CDH20: variants seen among roughly 807,000 people sequenced by gnomAD.
The protein encoded by CDH20 is cadherin-20.
Under a neutral mutation model 74.2 loss-of-function variants are expected in CDH20, and 29 were observed. The ratio of observed to expected loss-of-function variants is 0.39; its 90% CI spans 0.29 to 0.53. The LOEUF is 0.53. Among genes scored for constraint, CDH20 ranks in the 20% least tolerant of loss-of-function variants. The probability of loss-of-function intolerance (pLI) is 0.69; values close to 1 mark genes in which losing one functional copy is unlikely to be tolerated. For missense variants in CDH20, 988 were observed against 1,048.3 expected (o/e 0.94, Z 0.79); for synonymous variants, 469 against 405.4 (o/e 1.16, Z -1.88).
intron 1 of CDH20, among the ~76,000 whole-genome samples, chr18:61,444,724 C>T (rs1404387969): frequency 6.6e-6 from 1 of 152,162 alleles, no homozygotes; most frequent in African/African-American, 2.4e-5. Flanking sequence ...TTGAATGAGG[C>T]AGAGCTTTAA....
rs79951650 is a variant in CDH20, at chr18:61,344,201, C to T, written c.-153+10374C>T. Among the ~76,000 whole-genome samples the T allele has an allele frequency of 9.0e-3, 1,377 of 152,318 alleles. 20 individuals carry two copies. Among genetic ancestry groups the T allele is most frequent in the African/African-American group, 0.032 (1,320 of 41,558 alleles). On this transcript the variant is annotated intron_variant, in intron 1 of 11. Coordinates refer to ENST00000262717, the MANE Select transcript of CDH20 (RefSeq NM_031891.4). The stretch of plus-strand genomic sequence containing the variant: ...ATACACAGGAAAGAGGATCCTACCA[C>T]ATGCCATATAAAATAAGAATCACTT...
chr18:61,375,787 A>G (rs1363920368), intron 1 of CDH20, among the ~76,000 whole-genome samples: 5 of 151,888 alleles, frequency 3.3e-5, no homozygotes, highest in Non-Finnish European at 5.9e-5. Flanking sequence ...TTTTTTTCTC[A>G]CTTTTAATAA....
chr18:61,496,286 C>T (rs182472446), intron 2 of CDH20, among the ~76,000 whole-genome samples: 46 of 131,376 alleles, frequency 3.5e-4, no homozygotes, highest in African/African-American at 1.3e-3. Flanking sequence ...CCCTTCCCTC[C>T]TTTCTCTCCC....
intron 6 of CDH20, among the ~76,000 whole-genome samples, chr18:61,510,053 A>G (rs1409363229): frequency 6.6e-6 from 1 of 152,172 alleles, no homozygotes; most frequent in African/African-American, 2.4e-5. Context: ...TTAGACATCA[A>G]GTAGAGACAT....
chr18:61,535,996 G>T (rs1215676812), intron 7 of CDH20, among the ~76,000 whole-genome samples: 1 of 152,122 alleles, frequency 6.6e-6, no homozygotes, highest in Non-Finnish European at 1.5e-5. Flanking sequence ...TGGGTCATTA[G>T]CATGTTAAGA....
At chr18:61,515,083 G>T (rs1388665691) in intron 6 of CDH20, among the ~76,000 whole-genome samples, 1 of 152,234 alleles carries the variant, frequency 6.6e-6, no homozygotes, top group African/African-American at 2.4e-5. Context: ...GCAATGGCGG[G>T]CGCCCCTCCC....
At chr18:61,438,298 T>C (rs1388147878) in intron 1 of CDH20, among the ~76,000 whole-genome samples, 2 of 152,004 alleles carry the variant, frequency 1.3e-5, no homozygotes, top group East Asian at 1.9e-4. Context: ...TGTGCTTGGG[T>C]ATGTGGGTGG....
intron 6 of CDH20, among the ~76,000 whole-genome samples, chr18:61,521,022 G>T (rs971810563): frequency 3.3e-5 from 5 of 151,020 alleles, no homozygotes; most frequent in African/African-American, 1.2e-4. Flanking sequence ...AACTAGAGAA[G>T]CAAGAGCAAA....
chr18:61,397,978 C>T (rs1912039081), intron 1 of CDH20, among the ~76,000 whole-genome samples: 1 of 152,216 alleles, frequency 6.6e-6, no homozygotes, highest in African/African-American at 2.4e-5. Flanking sequence ...ATGAACGCTA[C>T]AACTCCAAAC....
At chr18:61,489,068 G>C (rs1264949574) in intron 1 of CDH20, among the ~76,000 whole-genome samples, 1 of 152,206 alleles carries the variant, frequency 6.6e-6, no homozygotes, top group Non-Finnish European at 1.5e-5. Context: ...GCTCATAAGA[G>C]GCACAGCCTC....
At chr18:61,477,835 T>C (rs1249056589) in intron 1 of CDH20, among the ~76,000 whole-genome samples, 1 of 152,184 alleles carries the variant, frequency 6.6e-6, no homozygotes, top group Non-Finnish European at 1.5e-5. Context: ...TAGTTCTTTT[T>C]TAATGTTTGC....
At chr18:61,423,707 A>T (rs1377038471) in intron 1 of CDH20, among the ~76,000 whole-genome samples, 1 of 152,182 alleles carries the variant, frequency 6.6e-6, no homozygotes, top group Non-Finnish European at 1.5e-5. Context: ...CCATAAAAAA[A>T]TTGCTAAATT....
intron 7 of CDH20, among the ~76,000 whole-genome samples, chr18:61,529,027 C>T (rs974325765): frequency 2.0e-5 from 3 of 152,154 alleles, no homozygotes; most frequent in African/African-American, 7.2e-5. Context: ...AAGATGCTTC[C>T]GCTCAAGAAG....
chr18:61,362,116 C>T (rs1048525120), intron 1 of CDH20, among the ~76,000 whole-genome samples: 8 of 152,224 alleles, frequency 5.3e-5, no homozygotes, highest in South Asian at 2.1e-4. Flanking sequence ...CTCCAAGAAA[C>T]GATTTTCCTA....
chr18:61,408,115 T>C (rs1051567778), intron 1 of CDH20, among the ~76,000 whole-genome samples: 8 of 152,248 alleles, frequency 5.3e-5, no homozygotes, highest in African/African-American at 1.9e-4. Flanking sequence ...GAAAGAGCTT[T>C]AAAAGCATTT....
At chr18:61,352,285 T>C (rs1910330424) in intron 1 of CDH20, among the ~76,000 whole-genome samples, 1 of 152,218 alleles carries the variant, frequency 6.6e-6, no homozygotes, top group Non-Finnish European at 1.5e-5. Context: ...GTAGCAGCAT[T>C]GAGAGGAGCA....
At chr18:61,350,200 T>G (rs1181400392) in intron 1 of CDH20, among the ~76,000 whole-genome samples, 1 of 152,192 alleles carries the variant, frequency 6.6e-6, no homozygotes. Context: ...CAGTGTTTAT[T>G]GCTGTCTTCT....
intron 1 of CDH20, among the ~76,000 whole-genome samples, chr18:61,376,689 C>A (rs972678029): frequency 7.9e-5 from 12 of 152,150 alleles, no homozygotes; most frequent in Non-Finnish European, 1.6e-4. Flanking sequence ...AAAAGGTACT[C>A]TGAAGACAGT....
chr18:61,401,708 C>G (rs1484919263), intron 1 of CDH20, among the ~76,000 whole-genome samples: 1 of 152,140 alleles, frequency 6.6e-6, no homozygotes, highest in South Asian at 2.1e-4. Context: ...CCTACAAATG[C>G]CTTTCACAAC....
Sources: allele counts gnomAD v4.1 joint callset (sites outside exome capture counted in the v4.1 genomes callset), GRCh38; gene constraint gnomAD v4.1.1; transcripts MANE v1.5; gene names NCBI Gene and HGNC (gene_info 2026-07-23, HGNC 2026-07-21).